PTPN3: variants seen among roughly 807,000 people sequenced by gnomAD.
The protein encoded by PTPN3 is tyrosine-protein phosphatase non-receptor type 3.
In PTPN3, 96 loss-of-function variants were observed where a neutral mutation model predicts 132.7. That is an observed-to-expected ratio of 0.72 (90% CI 0.61 to 0.86). The LOEUF (loss-of-function observed/expected upper bound fraction) is 0.86, where lower values mean the gene tolerates loss of function less well. Among genes scored for constraint, PTPN3 ranks in the 40% least tolerant of loss-of-function variants. The pLI is 0.00. For missense variants in PTPN3, 1,125 were observed against 1,159.6 expected, an observed-to-expected ratio of 0.97 and a Z score of 0.43; for synonymous variants, 398 against 429.0, an observed-to-expected ratio of 0.93 and a Z score of 0.89.
chr9:109,458,499 T>C (rs1040741295), intron 2 of PTPN3, among the ~76,000 whole-genome samples: 4 of 151,828 alleles, frequency 2.6e-5, no homozygotes, highest in Non-Finnish European at 5.9e-5. Context: ...GCTCCTTTTT[T>C]TGAGTGCCTG....
At chr9:109,450,685 GA>G in intron 5 of PTPN3, 1 of 984,994 alleles carries the variant, frequency 1.0e-6, no homozygotes, top group Non-Finnish European at 1.2e-6. Flanking sequence ...AAATTTATCA[GA>G]AACAGCAGTT....
chr9:109,512,023 A>T, the PTPN3 span, among the ~76,000 whole-genome samples: 1 of 152,160 alleles, frequency 6.6e-6, no homozygotes, highest in Non-Finnish European at 1.5e-5. Flanking sequence ...CCACCTCTGG[A>T]GATTTCTAAT....
intron 6 of PTPN3, among the ~76,000 whole-genome samples, chr9:109,447,261 G>A (rs1004839812): frequency 1.3e-5 from 2 of 152,118 alleles, no homozygotes; most frequent in African/African-American, 4.8e-5. Context: ...TATTTGACCA[G>A]CGTAGTTCGG....
intron 4 of PTPN3, 30 bp from the exon 5 acceptor site, chr9:109,454,604 T>C: frequency 6.4e-7 from 1 of 1,573,130 alleles, no homozygotes; most frequent in Non-Finnish European, 8.7e-7. Flanking sequence ...CAAATTAAAT[T>C]TTCCCTTTGA....
chr9:109,389,174 T>C (rs1306409382), intron 22 of PTPN3, 59 bp downstream of exon 22: 13 of 1,590,280 alleles, frequency 8.2e-6, no homozygotes, highest in Non-Finnish European at 8.6e-7. Flanking sequence ...CTGAGATTCA[T>C]GTTACACAGA....
At chr9:109,469,047 G>A (rs1846240603) in intron 1 of PTPN3, among the ~76,000 whole-genome samples, 1 of 152,228 alleles carries the variant, frequency 6.6e-6, no homozygotes, top group South Asian at 2.1e-4. Context: ...AGGGGAACCA[G>A]AAGCAGTAGC....
intron 10 of PTPN3, among the ~76,000 whole-genome samples, chr9:109,431,882 G>T (rs1178513424): frequency 3.9e-5 from 6 of 151,930 alleles, no homozygotes; most frequent in Non-Finnish European, 8.8e-5. Context: ...TGAAACTGGG[G>T]ATAATAACCT....
Position 109,498,140 on chromosome 9 carries a change from G to C in PTPN3, c.-18+79C>G, listed in dbSNP as rs1192212013. 1 of 145,948 alleles carries C rather than the reference G, an allele frequency of 6.9e-6. No homozygotes were observed. Among genetic ancestry groups the C allele is most frequent in the East Asian group, 2.0e-4 (1 of 5,052 alleles). The allele number at this position is 145,948 out of a possible 1,614,324, so 9.0% of individuals were successfully genotyped here. A position where few individuals can be genotyped will look rare whatever the true frequency, so the allele number is the denominator to read the frequency against. ...CGCGCCCCAGGGACGGGTGGGGGCG[G>C]GGTGGCGCCGAGCGCGACCCCGGCC... On this transcript the variant is annotated intron_variant, in intron 1 of 25. Coordinates refer to ENST00000374541, the MANE Select transcript of PTPN3 (RefSeq NM_002829.4). This position sits in a 1 kb window ranked among gnomAD's most constrained non-coding sequence, Gnocchi z 4.2.
intron 1 of PTPN3, among the ~76,000 whole-genome samples, chr9:109,466,372 G>A (rs1396698198): frequency 6.6e-6 from 1 of 152,240 alleles, no homozygotes; most frequent in African/African-American, 2.4e-5. Context: ...CTACGGTAGT[G>A]TGCACCTGTA....
chr9:109,444,041 G>A (rs531886757), intron 7 of PTPN3, among the ~76,000 whole-genome samples: 1 of 152,256 alleles, frequency 6.6e-6, no homozygotes, highest in Admixed American at 6.5e-5. Context: ...GCCTTCTCTT[G>A]CTATTTTGCC....
intron 1 of PTPN3, among the ~76,000 whole-genome samples, chr9:109,468,131 G>C (rs1168118461): frequency 6.6e-6 from 1 of 152,100 alleles, no homozygotes; most frequent in Non-Finnish European, 1.5e-5. Flanking sequence ...ACAGCAATTG[G>C]GGAACTCAGG....
At chr9:109,437,082 TTA>T in intron 8 of PTPN3, 112 bp from the exon 9 acceptor site, 1 of 1,481,848 alleles carries the variant, frequency 6.7e-7, no homozygotes, top group Non-Finnish European at 9.0e-7. Flanking sequence ...ATTAAATGCC[TTA>T]TGTTATCAAT....
At chr9:109,525,639 A>T in the PTPN3 span, among the ~76,000 whole-genome samples, 1 of 152,230 alleles carries the variant, frequency 6.6e-6, no homozygotes, top group Admixed American at 6.5e-5. Flanking sequence ...CTCCCTCTTC[A>T]GGAGAACCTA....
chr9:109,535,408 A>G, the PTPN3 span, among the ~76,000 whole-genome samples: 1 of 152,138 alleles, frequency 6.6e-6, no homozygotes, highest in East Asian at 1.9e-4. Context: ...TAGCTCTCCC[A>G]CTTCTCCCAG....
At chr9:109,380,026 G>A (rs1365051471) in intron 25 of PTPN3, among the ~76,000 whole-genome samples, 2 of 152,216 alleles carry the variant, frequency 1.3e-5, no homozygotes, top group Non-Finnish European at 2.9e-5. Context: ...CTGCACAGGT[G>A]GGCTGGGACC....
chr9:109,431,581 A>G (rs1843667250), intron 10 of PTPN3, among the ~76,000 whole-genome samples: 1 of 152,254 alleles, frequency 6.6e-6, no homozygotes, highest in African/African-American at 2.4e-5. Context: ...TGAATGAAAG[A>G]TGGAGAGAAG....
At chr9:109,434,764 T>A (rs1299744017) in intron 9 of PTPN3, among the ~76,000 whole-genome samples, 1 of 152,180 alleles carries the variant, frequency 6.6e-6, no homozygotes, top group Non-Finnish European at 1.5e-5. Context: ...CTCGAAGCGT[T>A]TTTATCTGGC....
upstream of PTPN3, among the ~76,000 whole-genome samples, chr9:109,502,697 G>A (rs1847876397): frequency 6.6e-6 from 1 of 152,190 alleles, no homozygotes; most frequent in Non-Finnish European, 1.5e-5. Flanking sequence ...TTGGGAGACT[G>A]AGGTGGGAGG....
At chr9:109,438,285 A>C in intron 7 of PTPN3, 51 bp from the exon 8 acceptor site, 1 of 1,559,646 alleles carries the variant, frequency 6.4e-7, no homozygotes, top group South Asian at 1.2e-5. Context: ...CCTTTTTAAT[A>C]TGGTTTGCAT....
Sources: gnomAD v4.1 joint callset for allele counts (sites outside exome capture counted in the v4.1 genomes callset) on GRCh38, gnomAD v4.1.1 for gene constraint, Gnocchi (gnomAD v3.1) non-coding constraint, MANE v1.5 for transcripts, NCBI Gene and HGNC (gene_info 2026-07-23, HGNC 2026-07-21) for gene names.